The following AATF variants were observed in gnomAD, a reference collection of about 807,000 sequenced individuals.
AATF encodes protein AATF.
Under a neutral mutation model 63.7 loss-of-function variants are expected in AATF, and 48 were observed. The observed-to-expected ratio is 0.75, with a 90% CI of 0.60 to 0.96. The LOEUF is 0.96. Ranked by LOEUF, AATF falls within the 40% of genes least tolerant of loss-of-function variation. The probability of loss-of-function intolerance (pLI) is 0.00; values close to 1 mark genes in which losing one functional copy is unlikely to be tolerated. For synonymous variants in AATF, 258 were observed against 247.7 expected (o/e 1.04, Z -0.39); for missense variants, 639 against 685.7 (o/e 0.93, Z 0.76).
At chr17:37,017,667 A>G (rs548353654) in intron 8 of AATF, among the ~76,000 whole-genome samples, 1 of 152,338 alleles carries the variant, frequency 6.6e-6, no homozygotes, top group African/African-American at 2.4e-5. Context: ...ATTCTTAAAC[A>G]TAATTGCTGT....
chr17:36,990,739 G>A (rs1285610107), intron 7 of AATF, 35 bp from the exon 8 acceptor site: 1 of 1,335,838 alleles, frequency 7.5e-7, no homozygotes, highest in Admixed American at 2.0e-5. Context: ...TAGCCTTGTT[G>A]GGATTCACTC....
chr17:37,055,724 G>A (rs1388141133), intron 11 of AATF: 6 of 152,296 alleles, frequency 3.9e-5, no homozygotes, highest in Admixed American at 1.3e-4. Flanking sequence ...CTGCGGCCAC[G>A]TGCTACACGC....
At chr17:37,052,861 C>T (rs1294672196) in intron 11 of AATF, 3 of 152,202 alleles carry the variant, frequency 2.0e-5, no homozygotes, top group Non-Finnish European at 4.4e-5. Context: ...AGGACAAGCC[C>T]TGTGCAGGCC....
chr17:36,993,374 A>C (rs935169134), intron 8 of AATF, among the ~76,000 whole-genome samples: 1 of 152,142 alleles, frequency 6.6e-6, no homozygotes, highest in Non-Finnish European at 1.5e-5. Context: ...GTGTGCAAGT[A>C]ATTGTGGTGA....
At chr17:36,952,808 A>G in intron 2 of AATF, 78 bp from the exon 3 acceptor site, 1 of 1,534,274 alleles carries the variant, frequency 6.5e-7, no homozygotes, top group African/African-American at 1.4e-5. Context: ...ACAGTGCTTA[A>G]GTTGAAATGA....
rs766437262 is a variant in AATF at position 37,020,951 on chromosome 17, A to C, written c.1484A>C (p.Gln495Pro). ...TTTTCCAGGCAGTGGCTTGCAATCCAGAAGTTACGAAGCAAAATCCACAAA... is the reference window on the plus strand; with the variant it reads ...TTTTCCAGGCAGTGGCTTGCAATCCCGAAGTTACGAAGCAAAATCCACAAA... The part of the protein sequence containing the change: ...VAMGRQWLAI[Q>P]KLRSKIHKKV... Residue 495 changes from glutamine to proline, a missense_variant, in exon 10 of 12, where the codon CAG becomes CCG. Coordinates refer to ENST00000619387, the MANE Select transcript of AATF (RefSeq NM_012138.4). The C allele has an allele frequency of 6.2e-7, 1 of 1,612,006 alleles. No individual in the cohort carries two copies. The highest frequency in any genetic ancestry group is 2.2e-5 in the East Asian group (1 of 44,756).
At chr17:36,957,592 A>G (rs907395667) in intron 4 of AATF, among the ~76,000 whole-genome samples, 5 of 152,218 alleles carry the variant, frequency 3.3e-5, no homozygotes, top group Admixed American at 6.5e-5. Context: ...CCTTATTGCT[A>G]TACCCAGCTA....
rs544135738 is a variant in AATF at position 36,988,586 on chromosome 17, G to T, written c.1015G>T (p.Ala339Ser). 1 of 1,614,174 alleles carries T rather than the reference G, an allele frequency of 6.2e-7. No individual in the cohort carries two copies. Among genetic ancestry groups the T allele is most frequent in the South Asian group, 1.1e-5 (1 of 91,082 alleles). ...GAAGCAGCAACGAAGAAGGGTCCCT[G>T]CAAAGAGGAAGCTGGAGATGGAGGA... ...EKKQQRRRVPAKRKLEMEDYP... is the reference protein window; with the variant it reads ...EKKQQRRRVPSKRKLEMEDYP... Residue 339 changes from alanine (A) to serine (S), a missense_variant, in exon 6 of 12, where the codon GCA (alanine) becomes TCA (serine). By Grantham distance (99) the Ala-to-Ser change is moderately conservative (BLOSUM62 1). Coordinates refer to ENST00000619387, the MANE Select transcript of AATF (RefSeq NM_012138.4).
intron 11 of AATF, chr17:37,052,227 G>A (rs539074252): frequency 5.9e-5 from 9 of 152,268 alleles, no homozygotes; most frequent in African/African-American, 2.2e-4. Flanking sequence ...GCCTTAAGGG[G>A]ACCTCAGGTA....
chr17:37,028,623 T>G (rs566494422), intron 10 of AATF, among the ~76,000 whole-genome samples: 1 of 151,400 alleles, frequency 6.6e-6, no homozygotes, highest in South Asian at 2.1e-4. Context: ...CCATCTCTAC[T>G]AAAAATACAC....
chr17:36,952,904 A>G lies in AATF; in HGVS notation c.302A>G (p.Glu101Gly), dbSNP rs1412444068. 6.2e-7 allele frequency: 1 copy of G among 1,613,396 alleles called. No homozygotes were observed. Among genetic ancestry groups the G allele is most frequent in the Admixed American group, 1.7e-5 (1 of 59,976 alleles). The change falls in exon 3 of 12, where the codon GAG (glutamate) becomes GGG (glycine). Residue 101 changes from glutamate to glycine, a missense_variant. Physicochemically the swap from Glu to Gly is moderately conservative, Grantham distance 98 (BLOSUM62 -2). Coordinates refer to ENST00000619387, the MANE Select transcript of AATF (RefSeq NM_012138.4). ...TTTGTAGATGAGGAAATATCTGATG[A>G]GGAAGGGTCTGGAGATGAAGATTCA... ...PGSSDEEISD[E>G]EGSGDEDSEG...
chr17:36,952,355 T>G (rs2070861854), intron 2 of AATF, among the ~76,000 whole-genome samples: 1 of 152,246 alleles, frequency 6.6e-6, no homozygotes, highest in African/African-American at 2.4e-5. Context: ...CAGCAAGTAT[T>G]AAATTCTATT....
intron 11 of AATF, among the ~76,000 whole-genome samples, chr17:37,040,521 G>A (rs1343113285): frequency 6.6e-6 from 1 of 151,930 alleles, no homozygotes; most frequent in Non-Finnish European, 1.5e-5. Context: ...GAATACTAAG[G>A]CATGGAACAA....
chr17:36,995,115 T>G (rs1294385003), intron 8 of AATF, among the ~76,000 whole-genome samples: 2 of 152,254 alleles, frequency 1.3e-5, no homozygotes, highest in Admixed American at 6.5e-5. Context: ...GGGTTTTGTA[T>G]GTTGCTTCTA....
chr17:36,974,604 TTA>T (rs1290955846), intron 4 of AATF, among the ~76,000 whole-genome samples: 1 of 152,208 alleles, frequency 6.6e-6, no homozygotes, highest in Non-Finnish European at 1.5e-5. Context: ...GCTCACCTTT[TTA>T]TATGAGTGTC....
chr17:37,040,789 C>T (rs1371252111), intron 11 of AATF, among the ~76,000 whole-genome samples: 1 of 147,194 alleles, frequency 6.8e-6, no homozygotes, highest in Non-Finnish European at 1.5e-5. Flanking sequence ...GCTTTCTATA[C>T]AGGAAGGTTT....
chr17:36,963,010 T>C (rs2070960787), intron 4 of AATF, among the ~76,000 whole-genome samples: 1 of 152,022 alleles, frequency 6.6e-6, no homozygotes, highest in Admixed American at 6.6e-5. Flanking sequence ...TCCCAGCTAC[T>C]CGGGAGGCTG....
At position 37,021,354 on chromosome 17, in the gene AATF, C is replaced by T. The variant is rs186906546; in HGVS notation, c.1547+340C>T. Among the ~76,000 whole-genome samples the T allele has an allele frequency of 4.5e-3, 684 of 152,184 alleles. 3 individuals are homozygous for T. The highest frequency in any genetic ancestry group is 5.9e-3 in the Non-Finnish European group (404 of 67,988). On this transcript the variant is annotated intron_variant, in intron 10 of 11. Coordinates refer to ENST00000619387, the MANE Select transcript of AATF (RefSeq NM_012138.4). Reference sequence around the variant, plus strand: ...ATAATATAAAAATGTTATGGCCAGGCGTGGTGGCTCACGCCTGTACTCCCA... The same window carrying T: ...ATAATATAAAAATGTTATGGCCAGGTGTGGTGGCTCACGCCTGTACTCCCA...
At chr17:37,017,434 G>T (rs564414164) in intron 8 of AATF, among the ~76,000 whole-genome samples, 1 of 152,204 alleles carries the variant, frequency 6.6e-6, no homozygotes, top group African/African-American at 2.4e-5. Context: ...AAGGGCAGCT[G>T]TTTACACAGC....
Sources: allele counts gnomAD v4.1 joint callset (sites outside exome capture counted in the v4.1 genomes callset), GRCh38; gene constraint gnomAD v4.1.1; transcripts MANE v1.5; gene names NCBI Gene and HGNC (gene_info 2026-07-23, HGNC 2026-07-21).